PARD3B: variants seen among roughly 807,000 people sequenced by gnomAD.
PARD3B encodes partitioning defective 3 homolog B.
A neutral mutation model predicts 130.2 loss-of-function variants in PARD3B; 103 were observed. The ratio of observed to expected loss-of-function variants is 0.79; its 90% CI spans 0.67 to 0.93. The LOEUF (loss-of-function observed/expected upper bound fraction) is 0.93, where lower values mean the gene tolerates loss of function less well. Among genes scored for constraint, PARD3B ranks in the 40% least tolerant of loss-of-function variants. The pLI is 0.00. For missense variants in PARD3B, 1,609 were observed against 1,499.2 expected, an observed-to-expected ratio of 1.07 and a Z score of -1.21; for synonymous variants, 583 against 553.2, an observed-to-expected ratio of 1.05 and a Z score of -0.76.
intron 4 of PARD3B, among the ~76,000 whole-genome samples, chr2:205,071,655 T>C (rs1355871341): frequency 6.6e-6 from 1 of 152,148 alleles, no homozygotes; most frequent in East Asian, 1.9e-4. Context: ...ACAAAAGATG[T>C]ACCATCAAAG....
intron 2 of PARD3B, among the ~76,000 whole-genome samples, chr2:204,766,807 C>CAAAAAAAAAAA (rs57504030): frequency 7.1e-6 from 1 of 141,800 alleles, no homozygotes; most frequent in African/African-American, 2.7e-5. Context: ...TTTTGTAAAT[C>CAAAAAAAAAAA]AAAAAAAAAA....
chr2:204,950,619 C>T (rs1391508459), intron 2 of PARD3B, among the ~76,000 whole-genome samples: 1 of 152,146 alleles, frequency 6.6e-6, no homozygotes, highest in African/African-American at 2.4e-5. Flanking sequence ...AGATGTTATC[C>T]TGGAAATCAA....
chr2:205,403,362 A>T (rs964351950), intron 19 of PARD3B, among the ~76,000 whole-genome samples: 1 of 152,234 alleles, frequency 6.6e-6, no homozygotes, highest in Non-Finnish European at 1.5e-5. Flanking sequence ...GAATTTTGTA[A>T]GCTGGCTGAT....
At chr2:205,453,113 C>A (rs1346207584) in intron 20 of PARD3B, among the ~76,000 whole-genome samples, 1 of 152,090 alleles carries the variant, frequency 6.6e-6, no homozygotes, top group Non-Finnish European at 1.5e-5. Flanking sequence ...GAGTTTCTTG[C>A]CCTCCAGAGA....
At chr2:205,577,050 C>T (rs1305185885) in intron 22 of PARD3B, among the ~76,000 whole-genome samples, 1 of 151,996 alleles carries the variant, frequency 6.6e-6, no homozygotes, top group Non-Finnish European at 1.5e-5. Flanking sequence ...TTGAGGGGGG[C>T]TTATATAAAT....
At position 205,590,847 on chromosome 2, in the gene PARD3B, C is replaced by T. The variant is rs2054362906; in HGVS notation, c.3261-24609C>T. On this transcript the variant is annotated intron_variant, in intron 22 of 22. Coordinates refer to ENST00000406610, the MANE Select transcript of PARD3B (RefSeq NM_001302769.2). The surrounding 1 kb of genome is among the most constrained non-coding windows in gnomAD (Gnocchi z 4.1). Reference sequence around the variant, plus strand: ...AAACCAGTACACCAAACCCTCTCTGCTTCCGGTCTGCTTGTCATTTGACCC... The same window carrying T: ...AAACCAGTACACCAAACCCTCTCTGTTTCCGGTCTGCTTGTCATTTGACCC... 6.6e-6 allele frequency among the ~76,000 whole-genome samples: 1 copy of T among 152,094 alleles called. No individual in the cohort carries two copies. The highest frequency in any genetic ancestry group is 2.1e-4 in the South Asian group (1 of 4,826).
intron 2 of PARD3B, among the ~76,000 whole-genome samples, chr2:204,812,920 A>G (rs888812267): frequency 6.6e-6 from 1 of 152,186 alleles, no homozygotes; most frequent in Non-Finnish European, 1.5e-5. Flanking sequence ...GTCTCCTGCC[A>G]TGCTCATGTT....
At chr2:204,554,224 G>A (rs1036737525) in intron 1 of PARD3B, among the ~76,000 whole-genome samples, 16 of 151,864 alleles carry the variant, frequency 1.1e-4, no homozygotes, top group African/African-American at 3.9e-4. Context: ...GTCTCTCTCT[G>A]CTTACAGTAA....
intron 10 of PARD3B, among the ~76,000 whole-genome samples, chr2:205,141,024 CG>C (rs1477078410): frequency 2.6e-5 from 4 of 152,088 alleles, no homozygotes; most frequent in Non-Finnish European, 1.5e-5. Flanking sequence ...CTACATCCAC[CG>C]GGATAACGGA....
intron 3 of PARD3B, among the ~76,000 whole-genome samples, chr2:205,017,298 A>T (rs1456273174): frequency 2.0e-5 from 3 of 152,138 alleles, no homozygotes; most frequent in Non-Finnish European, 4.4e-5. Flanking sequence ...CATAAATATC[A>T]TGTCCTCAGA....
intron 3 of PARD3B, among the ~76,000 whole-genome samples, chr2:205,042,001 G>T (rs1698426445): frequency 1.3e-5 from 2 of 152,126 alleles, no homozygotes; most frequent in Non-Finnish European, 2.9e-5. Flanking sequence ...GAGGGAGAGG[G>T]AGAGTGTGAT....
intron 22 of PARD3B, among the ~76,000 whole-genome samples, chr2:205,593,828 C>T (rs551753969): frequency 8.5e-5 from 13 of 152,270 alleles, no homozygotes; most frequent in African/African-American, 1.4e-4. Flanking sequence ...CCAGAAATCC[C>T]GTTAGGCAGA....
chr2:205,201,573 T>C (rs1453745879), intron 15 of PARD3B, among the ~76,000 whole-genome samples: 4 of 152,198 alleles, frequency 2.6e-5, no homozygotes, highest in South Asian at 2.1e-4. Flanking sequence ...CACAGTGGCT[T>C]ACACCTGTAA....
chr2:204,843,856 G>A (rs994444910), intron 2 of PARD3B, among the ~76,000 whole-genome samples: 44 of 152,024 alleles, frequency 2.9e-4, no homozygotes, highest in African/African-American at 1.1e-3. Context: ...ATGTTATTCA[G>A]AGGATCTCAA....
chr2:205,306,183 A>G (rs533477200), intron 18 of PARD3B, among the ~76,000 whole-genome samples: 29 of 152,280 alleles, frequency 1.9e-4, no homozygotes, highest in African/African-American at 6.7e-4. Context: ...AGGGCAAGGA[A>G]ATGGATTCTC....
chr2:205,536,168 C>CTGAT (rs1190534150), intron 21 of PARD3B, among the ~76,000 whole-genome samples: 1 of 152,070 alleles, frequency 6.6e-6, no homozygotes, highest in African/African-American at 2.4e-5. Flanking sequence ...TATTTGAATT[C>CTGAT]TGATTGAGAA....
chr2:204,736,668 T>C (rs1268151105), intron 2 of PARD3B, among the ~76,000 whole-genome samples: 1 of 152,232 alleles, frequency 6.6e-6, no homozygotes, highest in African/African-American at 2.4e-5. Flanking sequence ...ATTTTCTTTA[T>C]CCACTTGGAA....
intron 14 of PARD3B, among the ~76,000 whole-genome samples, chr2:205,188,709 A>G (rs1285527929): frequency 1.3e-5 from 2 of 151,744 alleles, no homozygotes; most frequent in Non-Finnish European, 2.9e-5. Context: ...GGATGTGTGA[A>G]ACTTGGGATG....
intron 21 of PARD3B, among the ~76,000 whole-genome samples, chr2:205,540,293 C>A (rs917036022): frequency 2.6e-5 from 4 of 151,504 alleles, no homozygotes; most frequent in Admixed American, 6.6e-5. Context: ...TCTATCACTT[C>A]CTCTTCCTGG....
Sources: gnomAD v4.1 joint callset for allele counts (sites outside exome capture counted in the v4.1 genomes callset) on GRCh38, gnomAD v4.1.1 for gene constraint, Gnocchi (gnomAD v3.1) non-coding constraint, MANE v1.5 for transcripts, NCBI Gene and HGNC (gene_info 2026-07-23, HGNC 2026-07-21) for gene names.